Variants in LRRIQ3 observed in about 807,000 individuals in gnomAD.
LRRIQ3 encodes the protein leucine-rich repeat and IQ domain-containing protein 3.
A neutral mutation model predicts 59.3 loss-of-function variants in LRRIQ3; 75 were observed. The ratio of observed to expected loss-of-function variants is 1.26; its 90% CI spans 1.05 to 1.53. The LOEUF (loss-of-function observed/expected upper bound fraction) is 1.53, where lower values mean the gene tolerates loss of function less well. Among genes scored for constraint, LRRIQ3 ranks in the 40% most tolerant of loss-of-function variants. The probability of loss-of-function intolerance (pLI) is 0.00; values close to 1 mark genes in which losing one functional copy is unlikely to be tolerated. For missense variants in LRRIQ3, 831 were observed against 710.0 expected, an observed-to-expected ratio of 1.17 and a Z score of -1.94; for synonymous variants, 250 against 231.3, an observed-to-expected ratio of 1.08 and a Z score of -0.73.
chr1:74,090,263 G>T (rs1646380447), intron 5 of LRRIQ3, among the ~76,000 whole-genome samples: 2 of 151,420 alleles, frequency 1.3e-5, no homozygotes, highest in South Asian at 4.2e-4. Context: ...GGCATCTACA[G>T]AATTATAATA....
chr1:74,155,798 A>T lies in LRRIQ3; in HGVS notation c.642T>A (p.Ala214=). 1 of 1,586,292 alleles carries T rather than the reference A, an allele frequency of 6.3e-7. No individual in the cohort carries two copies. The highest frequency in any genetic ancestry group is 1.8e-5 in the Admixed American group (1 of 55,662). ...GAACAATCAAAACTGGTGAATTATG[A>T]GCCAGAATTGCATTAATTTTTGAAG... is the stretch of plus-strand genomic sequence containing the variant. ...HITSKINAIL[A]HNSPVLIVQR... is the part of the protein sequence containing the mutation. The change falls in exon 4 of 8, where the codon GCT becomes GCA. Residue 214 remains alanine (A), a synonymous_variant. Transcript: ENST00000354431.
chr1:74,079,670 G>A (rs1646251312), intron 5 of LRRIQ3, among the ~76,000 whole-genome samples: 1 of 151,720 alleles, frequency 6.6e-6, no homozygotes, highest in Admixed American at 6.6e-5. Flanking sequence ...TGCTGAGAAT[G>A]TTCTCTGACA....
chr1:74,117,211 A>G (rs1646789382), intron 4 of LRRIQ3, among the ~76,000 whole-genome samples: 1 of 152,154 alleles, frequency 6.6e-6, no homozygotes, highest in Admixed American at 6.6e-5. Flanking sequence ...AAATATAGAT[A>G]GATGGAAAAG....
chr1:74,173,718 AAAC>A (rs1280136940), intron 3 of LRRIQ3, among the ~76,000 whole-genome samples: 4 of 151,990 alleles, frequency 2.6e-5, no homozygotes, highest in African/African-American at 9.7e-5. Flanking sequence ...GTTTCAATTG[AAAC>A]AATAAAAAAT....
rs1646349798 is a variant in LRRIQ3 at position 74,088,122 on chromosome 1, A to T, written c.868-13332T>A. ...ACAAACAAAAAAACAAAACAAAAAAAAACAATTGTCTCTCAGATATTTGAA... is the reference window on the plus strand; with the variant it reads ...ACAAACAAAAAAACAAAACAAAAAATAACAATTGTCTCTCAGATATTTGAA... On this transcript the variant is annotated intron_variant, in intron 5 of 7. Transcript: ENST00000354431. Among the ~76,000 whole-genome samples, 4 of 152,000 alleles carry T rather than the reference A, an allele frequency of 2.6e-5. No homozygotes were observed. In the South Asian group the frequency reaches 8.3e-4, roughly 31 times the overall value.
intron 6 of LRRIQ3, among the ~76,000 whole-genome samples, chr1:74,062,853 G>A (rs534194228): frequency 6.6e-6 from 1 of 152,084 alleles, no homozygotes; most frequent in East Asian, 1.9e-4. Context: ...TGTGAGGAGG[G>A]TGAGGAGTGA....
intron 6 of LRRIQ3, among the ~76,000 whole-genome samples, chr1:74,062,450 C>T (rs935993584): frequency 6.6e-6 from 1 of 152,106 alleles, no homozygotes; most frequent in Non-Finnish European, 1.5e-5. Flanking sequence ...TTATACACTG[C>T]TGATGGAAAT....
In LRRIQ3 at chr1:74,026,095, C is replaced by T. The variant is rs1372325712; in HGVS notation, c.*718G>A. 3 of 151,814 alleles carry T rather than the reference C, an allele frequency of 2.0e-5. No homozygotes were observed. Among genetic ancestry groups the T allele is most frequent in the Non-Finnish European group, 2.9e-5 (2 of 67,872 alleles). 9.4% of individuals were successfully genotyped at this position (151,814 alleles called of 1,614,324 possible). On this transcript the variant is annotated 3_prime_UTR_variant, in exon 8 of 8. Coordinates refer to ENST00000354431, the MANE Select transcript of LRRIQ3 (RefSeq NM_001105659.2). ...TAAACAGACTTATGGTTAATATATA[C>T]CATTTCTGTATATTTTATGATTCCA...
Position 74,050,568 on chromosome 1 carries a change from C to T in LRRIQ3, c.998-8635G>A, listed in dbSNP as rs944421747. On this transcript the variant is annotated intron_variant, in intron 6 of 7. Coordinates refer to ENST00000354431, the MANE Select transcript of LRRIQ3 (RefSeq NM_001105659.2). ...TCTGAACGTATTGCAGATTTATGAA[C>T]CATCTGTGAAGAAACAAATGGTCCA... 3.0e-6 allele frequency: 3 copies of T among 985,224 alleles called. No individual in the cohort carries two copies. The African/African-American group carries it at 5.2e-5, about 17-fold the overall frequency. The allele number at this position is 985,224 out of a possible 1,614,324, so 61.0% of individuals were successfully genotyped here.
At chr1:74,171,165 C>G (rs1183623951) in intron 3 of LRRIQ3, among the ~76,000 whole-genome samples, 1 of 152,030 alleles carries the variant, frequency 6.6e-6, no homozygotes, top group African/African-American at 2.4e-5. Context: ...AGTCCCATTG[C>G]TTTGGCTTGG....
chr1:74,159,183 A>C (rs192235828), intron 3 of LRRIQ3, among the ~76,000 whole-genome samples: 1 of 152,282 alleles, frequency 6.6e-6, no homozygotes, highest in African/African-American at 2.4e-5. Context: ...ACATTGTAAT[A>C]ATCCCACTCT....
intron 3 of LRRIQ3, among the ~76,000 whole-genome samples, chr1:74,171,962 T>A (rs898163656): frequency 1.3e-5 from 2 of 152,160 alleles, no homozygotes; most frequent in African/African-American, 4.8e-5. Context: ...GTGGCATTAA[T>A]TGTAATGTCT....
rs150293008 is a variant in LRRIQ3, at chr1:74,195,292, A to C, written c.-1+2704T>G. ...AAGCACAAGGACTGGAAACAAGTACAGCCCTAGCTTGGCCTGACCACAGCA... is the reference window on the plus strand; with the variant it reads ...AAGCACAAGGACTGGAAACAAGTACCGCCCTAGCTTGGCCTGACCACAGCA... On this transcript the variant is annotated intron_variant, in intron 1 of 7. Transcript: ENST00000354431. Among the ~76,000 whole-genome samples the C allele has an allele frequency of 3.6e-3, 554 of 152,324 alleles. 5 individuals carry two copies. The highest frequency in any genetic ancestry group is 0.013 in the African/African-American group (525 of 41,584).
chr1:74,130,382 G>T (rs1646995778), intron 4 of LRRIQ3, among the ~76,000 whole-genome samples: 1 of 152,016 alleles, frequency 6.6e-6, no homozygotes, highest in Non-Finnish European at 1.5e-5. Context: ...ACTGTGACAG[G>T]GCAGCACTAA....
At chr1:74,055,109 C>T (rs1384228090) in intron 6 of LRRIQ3, among the ~76,000 whole-genome samples, 1 of 146,862 alleles carries the variant, frequency 6.8e-6, no homozygotes. Flanking sequence ...AATAACACAA[C>T]CATCATGACA....
chr1:74,066,456 T>A (rs779076116), intron 6 of LRRIQ3, among the ~76,000 whole-genome samples: 2 of 152,088 alleles, frequency 1.3e-5, no homozygotes, highest in Non-Finnish European at 2.9e-5. Context: ...CATTTTTTGG[T>A]ATAACCACAG....
chr1:74,176,607 T>C (rs1246016010), intron 3 of LRRIQ3, among the ~76,000 whole-genome samples: 6 of 150,716 alleles, frequency 4.0e-5, no homozygotes, highest in Non-Finnish European at 8.8e-5. Flanking sequence ...TTTATTATAA[T>C]TCCATGGATA....
At chr1:74,088,322 A>G (rs906017299) in intron 5 of LRRIQ3, among the ~76,000 whole-genome samples, 2 of 152,158 alleles carry the variant, frequency 1.3e-5, no homozygotes, top group African/African-American at 4.8e-5. Context: ...TAATGACATA[A>G]AATGCTTACA....
chr1:74,145,776 T>C (rs61261131), intron 4 of LRRIQ3, among the ~76,000 whole-genome samples: 1 of 152,094 alleles, frequency 6.6e-6, no homozygotes, highest in Admixed American at 6.6e-5. Context: ...TATCTAGTTT[T>C]AAAAATAAAT....
Sources: gnomAD v4.1 joint callset for allele counts (sites outside exome capture counted in the v4.1 genomes callset) on GRCh38, gnomAD v4.1.1 for gene constraint, MANE v1.5 for transcripts, NCBI Gene and HGNC (gene_info 2026-07-23, HGNC 2026-07-21) for gene names.